REDIC1: variants seen among roughly 807,000 people sequenced by gnomAD.
REDIC1 encodes HEI10 Interacting Protein 1.
At chr12:39,770,537 G>A in the REDIC1 span, among the ~76,000 whole-genome samples, 80 of 152,210 alleles carry the variant, frequency 5.3e-4, no homozygotes, top group Non-Finnish European at 1.1e-3. Flanking sequence ...TGAGTTTAGC[G>A]GGCACTGGCA....
the REDIC1 span, among the ~76,000 whole-genome samples, chr12:39,681,336 A>T: frequency 6.6e-6 from 1 of 152,200 alleles, no homozygotes; most frequent in South Asian, 2.1e-4. Context: ...TGGAGGAGGG[A>T]TGAGGGATAA....
At chr12:39,704,415 G>A in the REDIC1 span, among the ~76,000 whole-genome samples, 1 of 152,162 alleles carries the variant, frequency 6.6e-6, no homozygotes, top group East Asian at 1.9e-4. Context: ...TAAAAAGTCA[G>A]GAAACAACAG....
the REDIC1 span, among the ~76,000 whole-genome samples, chr12:39,632,524 GTATA>G: frequency 6.6e-6 from 1 of 151,964 alleles, no homozygotes; most frequent in Non-Finnish European, 1.5e-5. Context: ...ACACATATAT[GTATA>G]TATGTATGTA....
the REDIC1 span, among the ~76,000 whole-genome samples, chr12:39,896,356 A>ATG: frequency 7.4e-6 from 1 of 135,422 alleles, no homozygotes; most frequent in African/African-American, 3.1e-5. Flanking sequence ...ATGTATGTAT[A>ATG]TGTGTATATA....
the REDIC1 span, chr12:39,646,372 A>C: frequency 4.2e-6 from 6 of 1,426,076 alleles, no homozygotes; most frequent in East Asian, 1.6e-4. Context: ...ATAGAGACAT[A>C]AAAATGCCCC....
the REDIC1 span, among the ~76,000 whole-genome samples, chr12:39,752,619 CAG>C: frequency 1.3e-5 from 2 of 152,182 alleles, no homozygotes; most frequent in South Asian, 4.2e-4. Flanking sequence ...TTGCATTACA[CAG>C]AGTCAAAGCA....
the REDIC1 span, among the ~76,000 whole-genome samples, chr12:39,701,406 A>T: frequency 1.3e-5 from 2 of 152,224 alleles, no homozygotes; most frequent in African/African-American, 4.8e-5. Context: ...ATATATATGC[A>T]CCCAATACAG....
the REDIC1 span, among the ~76,000 whole-genome samples, chr12:39,899,100 C>T: frequency 1.3e-5 from 2 of 152,142 alleles, no homozygotes; most frequent in African/African-American, 2.4e-5. Flanking sequence ...GGCTGTGAAT[C>T]CATCTGGTCC....
At chr12:39,687,469 G>C in the REDIC1 span, among the ~76,000 whole-genome samples, 1 of 124,802 alleles carries the variant, frequency 8.0e-6, no homozygotes, top group Non-Finnish European at 1.7e-5. Context: ...AAAGACAGGA[G>C]CAAGAGAGAG....
chr12:39,817,970 A>AT, the REDIC1 span, among the ~76,000 whole-genome samples: 1 of 152,028 alleles, frequency 6.6e-6, no homozygotes. Flanking sequence ...TCTTCATTCT[A>AT]TTTTGTCAGT....
At chr12:39,840,926 C>T in the REDIC1 span, among the ~76,000 whole-genome samples, 1 of 152,030 alleles carries the variant, frequency 6.6e-6, no homozygotes, top group Non-Finnish European at 1.5e-5. Context: ...TGGTAGTTCC[C>T]TTTCTCTGTA....
At chr12:39,839,094 A>C in the REDIC1 span, among the ~76,000 whole-genome samples, 1 of 152,010 alleles carries the variant, frequency 6.6e-6, no homozygotes, top group Non-Finnish European at 1.5e-5. Context: ...TTCCCCTAAC[A>C]GCTATTCCCA....
the REDIC1 span, among the ~76,000 whole-genome samples, chr12:39,781,645 T>A: frequency 8.8e-3 from 1,335 of 152,354 alleles, 29 homozygotes; most frequent in African/African-American, 0.03. Flanking sequence ...TTGCTATGAA[T>A]TTCCATATTA....
the REDIC1 span, among the ~76,000 whole-genome samples, chr12:39,823,023 A>G: frequency 1.3e-5 from 2 of 152,212 alleles, no homozygotes; most frequent in African/African-American, 4.8e-5. Context: ...AAGGGAGTCT[A>G]AATTTCTGAA....
At chr12:39,809,647 C>A in the REDIC1 span, among the ~76,000 whole-genome samples, 172 of 152,254 alleles carry the variant, frequency 1.1e-3, 2 homozygotes, top group African/African-American at 3.8e-3. Context: ...CTAATGCTAT[C>A]CTTTCCCCAT....
the REDIC1 span, among the ~76,000 whole-genome samples, chr12:39,903,561 A>T: frequency 0.046 from 7,009 of 152,126 alleles, 293 homozygotes; most frequent in Admixed American, 0.13. Context: ...TGTGGTACAG[A>T]GGTAGGTACG....
At chr12:39,756,368 G>A in the REDIC1 span, 1 of 151,728 alleles carries the variant, frequency 6.6e-6, no homozygotes, top group African/African-American at 2.4e-5. Context: ...CACAACAAGT[G>A]AATAAAAGTC....
chr12:39,871,583 G>A, the REDIC1 span, among the ~76,000 whole-genome samples: 1 of 151,730 alleles, frequency 6.6e-6, no homozygotes, highest in Admixed American at 6.6e-5. Flanking sequence ...TATTCTTGCA[G>A]TTTGTTTCTA....
At chr12:39,803,129 T>C in the REDIC1 span, among the ~76,000 whole-genome samples, 395 of 151,954 alleles carry the variant, frequency 2.6e-3, 2 homozygotes, top group African/African-American at 8.7e-3. Flanking sequence ...AAGGCAGCCA[T>C]TGTAAATGTT....
Sources: allele counts gnomAD v4.1 joint callset (sites outside exome capture counted in the v4.1 genomes callset), GRCh38; gene constraint gnomAD v4.1.1; transcripts MANE v1.5; gene names NCBI Gene and HGNC (gene_info 2026-07-23, HGNC 2026-07-21).